Variants in NXPE3 observed in about 807,000 individuals in gnomAD.
NXPE3 encodes neurexophilin and PC-esterase domain family member 3.
Under a neutral mutation model 46.1 loss-of-function variants are expected in NXPE3, and 26 were observed. That is an observed-to-expected ratio of 0.56 (90% confidence interval 0.41 to 0.78). The LOEUF is 0.78. NXPE3 is among the 30% of genes least tolerant of loss of function. NXPE3 has a pLI of 0.00. For synonymous variants in NXPE3, 272 were observed against 257.9 expected (o/e 1.05, Z -0.52); for missense variants, 620 against 686.0 (o/e 0.90, Z 1.07).
chr3:101,785,654 G>T lies in NXPE3; in HGVS notation c.58G>T (p.Val20Leu). The T allele has an allele frequency of 6.2e-7, 1 of 1,612,756 alleles. No homozygotes were observed. The highest frequency in any genetic ancestry group is 1.1e-5 in the South Asian group (1 of 91,032). Residue 20 changes from valine (V) to leucine (L), a missense_variant, in exon 4 of 8, where the codon GTG (valine) becomes TTG (leucine). Transcript: ENST00000273347. ...LFCCLLAVLM[V>L]VVLVINVTQV... Reference sequence around the variant, plus strand: ...CTGCTGTCTGCTTGCAGTGTTGATGGTGGTGGTGCTGGTCATCAATGTTAC... The same window carrying T: ...CTGCTGTCTGCTTGCAGTGTTGATGTTGGTGGTGCTGGTCATCAATGTTAC...
At position 101,822,194 on chromosome 3, in the gene NXPE3, C is replaced by T; in HGVS notation, c.*240C>T. ...TAGAACTCTTAACTGCATCTACACA[C>T]TATATTGCTCTTGTAACCAAAGATG... On this transcript the variant is annotated 3_prime_UTR_variant, in exon 8 of 8. Transcript: ENST00000273347. 1 of 468,166 alleles carries T rather than the reference C, an allele frequency of 2.1e-6. No individual in the cohort carries two copies. Among genetic ancestry groups the T allele is most frequent in the East Asian group, 3.3e-5 (1 of 30,418 alleles). The allele number at this position is 468,166 out of a possible 1,614,324, so 29.0% of individuals were successfully genotyped here.
intron 7 of NXPE3, among the ~76,000 whole-genome samples, chr3:101,818,076 AG>A (rs1204312052): frequency 1.3e-5 from 2 of 151,884 alleles, no homozygotes; most frequent in African/African-American, 4.8e-5. Flanking sequence ...TATTTTTTGT[AG>A]AGACATGGTC....
intron 5 of NXPE3, among the ~76,000 whole-genome samples, chr3:101,804,319 G>A (rs977970826): frequency 6.6e-6 from 1 of 152,158 alleles, no homozygotes; most frequent in Non-Finnish European, 1.5e-5. Context: ...AAAAGCACCC[G>A]TGAACCCACA....
At chr3:101,789,817 A>G (rs990718839) in intron 4 of NXPE3, among the ~76,000 whole-genome samples, 1 of 152,028 alleles carries the variant, frequency 6.6e-6, no homozygotes, top group Non-Finnish European at 1.5e-5. Context: ...CCCCCTCCCA[A>G]GTAACTGGGA....
At chr3:101,813,640 C>A (rs1576775945) in intron 6 of NXPE3, among the ~76,000 whole-genome samples, 1 of 152,206 alleles carries the variant, frequency 6.6e-6, no homozygotes, top group African/African-American at 2.4e-5. Context: ...TCTGCTTTTA[C>A]AACCACCTCT....
rs902693075 is a variant in NXPE3, at chr3:101,785,343, T to G, written c.-195-59T>G. On this transcript the variant is annotated intron_variant, in intron 3 of 7. Transcript: ENST00000273347. ...GGAAGAGGAAATGTGATGTTTTTCC[T>G]CTCACCCCACCCTAGGCCATTGCAA... 22 of 409,240 alleles carry G rather than the reference T, an allele frequency of 5.4e-5. No homozygotes were observed. In the East Asian group the frequency reaches 1.0e-3, roughly 19 times the overall value. 25.4% of individuals were successfully genotyped at this position (409,240 alleles called of 1,614,324 possible). A position where few individuals can be genotyped will look rare whatever the true frequency, so the allele number is the denominator to read the frequency against.
chr3:101,783,418 A>G (rs1939947840), intron 3 of NXPE3, among the ~76,000 whole-genome samples: 1 of 152,208 alleles, frequency 6.6e-6, no homozygotes, highest in Non-Finnish European at 1.5e-5. Flanking sequence ...ACATCTATTT[A>G]GGTGTACAAA....
rs1460417313 is a variant in NXPE3 at position 101,826,772 on chromosome 3, G to C, written c.*4818G>C. 1 of 152,226 alleles carries C rather than the reference G, an allele frequency of 6.6e-6. No homozygotes were observed. Among genetic ancestry groups the C allele is most frequent in the Non-Finnish European group, 1.5e-5 (1 of 68,074 alleles). 9.4% of individuals were successfully genotyped at this position (152,226 alleles called of 1,614,324 possible). ...ATGTGGGCCGGGCATAGTGGCTCAT[G>C]CCTGTAATCCCAGCACTTTGGGAGG... On this transcript the variant is annotated 3_prime_UTR_variant, in exon 8 of 8. Coordinates refer to ENST00000273347, the MANE Select transcript of NXPE3 (RefSeq NM_145037.4).
In NXPE3 at chr3:101,828,052, A is replaced by C. The variant is rs1271720905; in HGVS notation, c.*6098A>C. On this transcript the variant is annotated 3_prime_UTR_variant, in exon 8 of 8. Coordinates refer to ENST00000273347, the MANE Select transcript of NXPE3 (RefSeq NM_145037.4). ...GAAAAAGGCTGCTTAGCTGCTGCTT[A>C]TCATGTAACCTCAAAAGGAAACTGA... The C allele has an allele frequency of 6.6e-6, 1 of 152,246 alleles. No individual in the cohort carries two copies. The highest frequency in any genetic ancestry group is 2.4e-5 in the African/African-American group (1 of 41,468). The allele number at this position is 152,246 out of a possible 1,614,324, so 9.4% of individuals were successfully genotyped here. A position where few individuals can be genotyped will look rare whatever the true frequency, so the allele number is the denominator to read the frequency against.
chr3:101,818,063 T>A (rs1015431697), intron 7 of NXPE3, among the ~76,000 whole-genome samples: 4 of 152,096 alleles, frequency 2.6e-5, no homozygotes, highest in African/African-American at 9.7e-5. Flanking sequence ...GCTAATTTTT[T>A]TGTATTTTTT....
rs1941178907 is a variant in NXPE3, at chr3:101,801,907, C to T, written c.766C>T (p.Pro256Ser). 6.2e-7 allele frequency: 1 copy of T among 1,613,976 alleles called. No individual in the cohort carries two copies. Among genetic ancestry groups the T allele is most frequent in the Non-Finnish European group, 8.5e-7 (1 of 1,180,028 alleles). ...PWFCFKPKKL[P>S]CSSRITHFKG... ...GTTCTGCTTCAAACCAAAGAAGCTC[C>T]CTTGCAGCAGCAGAATTACCCATTT... is the stretch of plus-strand genomic sequence containing the variant. The change falls in exon 5 of 8, where the codon CCT becomes TCT. Residue 256 changes from proline (P) to serine (S), a missense_variant. Coordinates refer to ENST00000273347, the MANE Select transcript of NXPE3 (RefSeq NM_145037.4).
chr3:101,785,959 C>T (rs1482673573), intron 4 of NXPE3, among the ~76,000 whole-genome samples: 2 of 152,066 alleles, frequency 1.3e-5, no homozygotes, highest in Non-Finnish European at 2.9e-5. Flanking sequence ...ATCATAATCA[C>T]ATAATAATAG....
chr3:101,816,571 T>C (rs573352468), intron 6 of NXPE3, among the ~76,000 whole-genome samples: 3 of 152,256 alleles, frequency 2.0e-5, no homozygotes, highest in African/African-American at 7.2e-5. Context: ...GACTTCCAGC[T>C]TCATCCATGT....
At position 101,825,460 on chromosome 3, in the gene NXPE3, T is replaced by A. The variant is rs948573203; in HGVS notation, c.*3506T>A. 2 of 152,206 alleles carry A rather than the reference T, an allele frequency of 1.3e-5. No individual in the cohort carries two copies. Among genetic ancestry groups the A allele is most frequent in the Admixed American group, 1.3e-4 (2 of 15,278 alleles). The allele number at this position is 152,206 out of a possible 1,614,324, so 9.4% of individuals were successfully genotyped here. On this transcript the variant is annotated 3_prime_UTR_variant, in exon 8 of 8. Transcript: ENST00000273347. ...AAATGTATATTTCCCAATATAAATA[T>A]AAGGGGCATCATAATTTTTAAAAAC...
chr3:101,821,862 C>A lies in NXPE3; in HGVS notation c.1588C>A (p.His530Asn). The change falls in exon 8 of 8, where the codon CAT becomes AAT. Residue 530 changes from histidine to asparagine, a missense_variant. Coordinates refer to ENST00000273347, the MANE Select transcript of NXPE3 (RefSeq NM_145037.4). ...LVDAWEMTLA[H>N]YLPHKLHPDE... ...CGATGCCTGGGAGATGACCCTGGCC[C>A]ATTATCTACCGCACAAGCTGCATCC... is the stretch of plus-strand genomic sequence containing the variant. The A allele has an allele frequency of 6.2e-7, 1 of 1,614,108 alleles. No homozygotes were observed. The highest frequency in any genetic ancestry group is 8.5e-7 in the Non-Finnish European group (1 of 1,180,008).
chr3:101,794,849 C>G (rs984170372), intron 4 of NXPE3, among the ~76,000 whole-genome samples: 1 of 152,142 alleles, frequency 6.6e-6, no homozygotes, highest in Non-Finnish European at 1.5e-5. Context: ...TACTTAATGC[C>G]AGCTAAAGGC....
At chr3:101,786,521 CTG>C (rs1357000405) in intron 4 of NXPE3, among the ~76,000 whole-genome samples, 1 of 152,090 alleles carries the variant, frequency 6.6e-6, no homozygotes, top group Non-Finnish European at 1.5e-5. Context: ...TTCCTGTGCG[CTG>C]TGAGTAAAAT....
At chr3:101,818,715 TTATATATA>T (rs61602305) in intron 7 of NXPE3, among the ~76,000 whole-genome samples, 5,585 of 37,666 alleles carry the variant, frequency 0.15, 513 homozygotes, top group Non-Finnish European at 0.18. Context: ...ATATGACAAT[TTATATATA>T]TATATATATA....
At chr3:101,818,743 ATATATATATATTTTTTTTTTT>A (rs1942097050) in intron 7 of NXPE3, among the ~76,000 whole-genome samples, 4 of 27,342 alleles carry the variant, frequency 1.5e-4, no homozygotes, top group African/African-American at 3.2e-4. Flanking sequence ...ATATATATAT[ATATATATATATTTTTTTTTTT>A]TTTTTTTTTT....
Sources: gnomAD v4.1 joint callset for allele counts (sites outside exome capture counted in the v4.1 genomes callset) on GRCh38, gnomAD v4.1.1 for gene constraint, MANE v1.5 for transcripts, NCBI Gene and HGNC (gene_info 2026-07-23, HGNC 2026-07-21) for gene names.